The following ABCC9 variants were observed in gnomAD, a reference collection of about 807,000 sequenced individuals.
ABCC9 encodes ATP-binding cassette sub-family C member 9.
A neutral mutation model predicts 188.3 loss-of-function variants in ABCC9; 95 were observed. The ratio of observed to expected loss-of-function variants is 0.50; its 90% CI spans 0.43 to 0.60. ABCC9 has a LOEUF of 0.60. Among genes scored for constraint, ABCC9 ranks in the 20% least tolerant of loss-of-function variants. The pLI is 0.00. For missense variants in ABCC9, 1,102 were observed against 1,876.3 expected, an observed-to-expected ratio of 0.59 and a Z score of 7.62; for synonymous variants, 659 against 652.7, an observed-to-expected ratio of 1.01 and a Z score of -0.15.
intron 5 of ABCC9, 143 bp downstream of exon 5, chr12:21,925,799 G>T: frequency 1.1e-6 from 1 of 919,866 alleles, no homozygotes; most frequent in Non-Finnish European, 1.7e-6. Context: ...GGCAGCTACA[G>T]GAGAATTAAT....
intron 19 of ABCC9, 80 bp downstream of exon 19, chr12:21,864,359 A>G (rs1945678699): frequency 3.7e-6 from 4 of 1,079,196 alleles, no homozygotes; most frequent in Non-Finnish European, 4.3e-6. Context: ...TTATCAGAGT[A>G]AGCAAAATGA....
At chr12:21,915,472 GTATATAT>G (rs1948547148) in intron 7 of ABCC9, among the ~76,000 whole-genome samples, 189 bp downstream of exon 7, 1 of 14,770 alleles carries the variant, frequency 6.8e-5, no homozygotes, top group Non-Finnish European at 1.1e-4. Flanking sequence ...ATATGTGTGT[GTATATAT>G]GTGTGTGTGT....
At chr12:21,810,478 A>G (rs1425160466) in intron 36 of ABCC9, among the ~76,000 whole-genome samples, 1 of 152,172 alleles carries the variant, frequency 6.6e-6, no homozygotes, top group Admixed American at 6.5e-5. Flanking sequence ...GGGAGGTCTC[A>G]GGAAACTTAC....
intron 6 of ABCC9, 83 bp downstream of exon 6, chr12:21,916,854 T>C: frequency 7.8e-7 from 1 of 1,278,714 alleles, no homozygotes; most frequent in Non-Finnish European, 1.1e-6. Context: ...TCCTTGTCAA[T>C]ACTAATGATT....
intron 16 of ABCC9, among the ~76,000 whole-genome samples, chr12:21,881,891 G>A (rs1334837627): frequency 6.6e-6 from 1 of 152,098 alleles, no homozygotes; most frequent in South Asian, 2.1e-4. Context: ...GGCTCAATGA[G>A]GCATAGTAAT....
rs886049175 is a variant in ABCC9 at position 21,933,920 on chromosome 12, C to A, written c.146G>T (p.Trp49Leu). The change falls in exon 4 of 40, where the codon TGG becomes TTG. Residue 49 changes from tryptophan (W) to leucine (L), a missense_variant. Trp to Leu is a moderately conservative substitution (Grantham distance 61, BLOSUM62 -2). This residue lies in a region of ABCC9 where 305 missense variants were observed against 573.0 expected (regional missense o/e 0.53). Transcript: ENST00000261200. ...FITFPILFIG[W>L]GSQSSKVQIH... Reference sequence around the variant, plus strand: ...TTGTACTTTTGAGCTTTGGCTCCCCCACCCTGGAAAAGAGAGAAAAGTTAA... The same window carrying A: ...TTGTACTTTTGAGCTTTGGCTCCCCAACCCTGGAAAAGAGAGAAAAGTTAA... 3 of 1,613,366 alleles carry A rather than the reference C, an allele frequency of 1.9e-6. No individual in the cohort carries two copies. The highest frequency in any genetic ancestry group is 1.7e-5 in the Admixed American group (1 of 59,970).
At chr12:21,839,664 T>G (rs1261942519) in intron 29 of ABCC9, among the ~76,000 whole-genome samples, 2 of 152,208 alleles carry the variant, frequency 1.3e-5, no homozygotes, top group African/African-American at 2.4e-5. Flanking sequence ...TTCCTGCCCT[T>G]CTCTAGGTTT....
Position 21,800,916 on chromosome 12 carries a change from A to G in ABCC9, c.*128T>C. 4 of 1,064,756 alleles carry G rather than the reference A, an allele frequency of 3.8e-6. No individual in the cohort carries two copies. In the South Asian group the frequency reaches 5.7e-5, roughly 15 times the overall value. 66.0% of individuals were successfully genotyped at this position (1,064,756 alleles called of 1,614,324 possible). A position where few individuals can be genotyped will look rare whatever the true frequency, so the allele number is the denominator to read the frequency against. ...ACTGTTTTAAAAACAGGAAAAATAA[A>G]TGTCCACTTTTTGTGCAAAAATCTG... On this transcript the variant is annotated 3_prime_UTR_variant, in exon 40 of 40. Coordinates refer to ENST00000261200, the MANE Select transcript of ABCC9 (RefSeq NM_020297.4).
In ABCC9 at chr12:21,933,865, C is replaced by T. The variant is rs769322587; in HGVS notation, c.201G>A (p.Pro67=). Residue 67 remains proline, a synonymous_variant, in exon 4 of 40, where the codon CCG becomes CCA. Coordinates refer to ENST00000261200, the MANE Select transcript of ABCC9 (RefSeq NM_020297.4). ...TAAGAATCCATCTCAGGTTATGTCC[C>T]GGAAAATGAAGCCATGTGTTGTGGT... ...QIHHNTWLHF[P]GHNLRWILTF... 1.5e-5 allele frequency: 24 copies of T among 1,613,466 alleles called. No homozygotes were observed. The highest frequency in any genetic ancestry group is 1.9e-5 in the Non-Finnish European group (23 of 1,179,682).
chr12:21,851,028 T>C (rs766306099), intron 24 of ABCC9, among the ~76,000 whole-genome samples: 9 of 152,012 alleles, frequency 5.9e-5, no homozygotes, highest in Non-Finnish European at 1.0e-4. Flanking sequence ...AATCCTAGGG[T>C]TTATCTGACT....
At chr12:21,843,054 G>GT (rs1944471792) in intron 28 of ABCC9, among the ~76,000 whole-genome samples, 1 of 152,022 alleles carries the variant, frequency 6.6e-6, no homozygotes, top group African/African-American at 2.4e-5. Flanking sequence ...ACAATTTAAA[G>GT]TTTTTTATAG....
At chr12:21,851,765 A>G (rs1944977324) in intron 24 of ABCC9, among the ~76,000 whole-genome samples, 1 of 152,146 alleles carries the variant, frequency 6.6e-6, no homozygotes, top group Admixed American at 6.6e-5. Flanking sequence ...AAAATGAGGT[A>G]TAAATAAGAA....
chr12:21,861,561 G>A (rs1223683222), intron 20 of ABCC9, among the ~76,000 whole-genome samples: 1 of 151,990 alleles, frequency 6.6e-6, no homozygotes, highest in South Asian at 2.1e-4. Flanking sequence ...GCTAGTTCAC[G>A]GAGCAGAAGA....
chr12:21,847,090 T>C (rs754151556), intron 25 of ABCC9, among the ~76,000 whole-genome samples: 1 of 152,114 alleles, frequency 6.6e-6, no homozygotes, highest in Admixed American at 6.6e-5. Flanking sequence ...ATATGTACTG[T>C]AATTGGCTCT....
chr12:21,900,350 A>G (rs1947674085), intron 12 of ABCC9, among the ~76,000 whole-genome samples: 2 of 152,222 alleles, frequency 1.3e-5, no homozygotes, highest in African/African-American at 4.8e-5. Context: ...AAAACCACAA[A>G]GATGGGGAAA....
At chr12:21,889,262 C>T (rs1182938922) in intron 14 of ABCC9, among the ~76,000 whole-genome samples, 2 of 152,164 alleles carry the variant, frequency 1.3e-5, no homozygotes, top group Admixed American at 1.3e-4. Context: ...AGCTTCAGTT[C>T]ATACACTTTC....
chr12:21,898,306 T>A (rs1046785591), intron 12 of ABCC9, among the ~76,000 whole-genome samples: 19 of 152,364 alleles, frequency 1.2e-4, no homozygotes, highest in African/African-American at 4.6e-4. Context: ...ATTGTTATTA[T>A]TCTTGGCTAC....
chr12:21,825,937 G>A (rs915970260), intron 31 of ABCC9, among the ~76,000 whole-genome samples: 3 of 151,968 alleles, frequency 2.0e-5, no homozygotes, highest in Non-Finnish European at 4.4e-5. Context: ...GTTAAAACTA[G>A]GCATAAAGAG....
At chr12:21,811,922 G>A (rs1440490664) in intron 36 of ABCC9, 127 bp downstream of exon 36, 1 of 704,860 alleles carries the variant, frequency 1.4e-6, no homozygotes, top group African/African-American at 1.8e-5. Context: ...ATTGTTGGAT[G>A]GTATATTTGA....
Sources: gnomAD v4.1 joint callset for allele counts (sites outside exome capture counted in the v4.1 genomes callset) on GRCh38, gnomAD v4.1.1 for gene constraint, gnomAD v4.1.1 regional missense constraint, MANE v1.5 for transcripts, NCBI Gene and HGNC (gene_info 2026-07-23, HGNC 2026-07-21) for gene names.